Variants in VPS13B observed in about 807,000 individuals in gnomAD.
The protein encoded by VPS13B is vacuolar protein sorting 13 homolog B.
Under a neutral mutation model 426.4 loss-of-function variants are expected in VPS13B, and 285 were observed. The observed-to-expected ratio is 0.67, with a 90% CI of 0.61 to 0.74. VPS13B has a LOEUF of 0.74. Ranked by LOEUF, VPS13B falls within the 30% of genes least tolerant of loss-of-function variation. The pLI, the probability that VPS13B is intolerant of heterozygous loss-of-function variation, is 0.00. For missense variants in VPS13B, 4,537 were observed against 4,782.6 expected (o/e 0.95, Z 1.51); for synonymous variants, 1,676 against 1,676.4 (o/e 1.00, Z 0.01).
chr8:99,101,416 G>A (rs188909024), intron 4 of VPS13B, among the ~76,000 whole-genome samples: 1 of 152,308 alleles, frequency 6.6e-6, no homozygotes, highest in African/African-American at 2.4e-5. Context: ...ACAGGCGTGA[G>A]CCACCGTGCT....
intron 39 of VPS13B, among the ~76,000 whole-genome samples, chr8:99,766,098 C>A (rs1206281043): frequency 8.8e-5 from 6 of 67,942 alleles, no homozygotes; most frequent in African/African-American, 3.2e-4. Flanking sequence ...TTTTTTGAGG[C>A]AGATTCTTGC....
chr8:99,252,171 A>G (rs1817538231), intron 17 of VPS13B, among the ~76,000 whole-genome samples: 1 of 151,918 alleles, frequency 6.6e-6, no homozygotes, highest in African/African-American at 2.4e-5. Context: ...AGATTATGGA[A>G]TTAAGACTTA....
rs756143690 is a variant in VPS13B at position 99,717,245 on chromosome 8, C to A, written c.6529C>A (p.Arg2177Ser). 6.2e-7 allele frequency: 1 copy of A among 1,613,648 alleles called. No homozygotes were observed. The highest frequency in any genetic ancestry group is 1.7e-5 in the Admixed American group (1 of 59,936). Reference protein sequence around the residue: ...LLKTSLKERSRILIGPCCATA... With the variant: ...LLKTSLKERSSILIGPCCATA... ...TAAAACAAGTCTCAAAGAAAGAAGC[C>A]GCATTCTGATAGGACCATGTTGTGC... is the stretch of plus-strand genomic sequence containing the variant. The change falls in exon 37 of 62, where the codon CGC becomes AGC. Residue 2177 changes from arginine (R) to serine (S), a missense_variant. Physicochemically the swap from Arg to Ser is moderately radical, Grantham distance 110. This residue lies in a region of VPS13B where 4,311 missense variants were observed against 4,474.3 expected (regional missense o/e 0.96). Coordinates refer to ENST00000357162, the MANE Select transcript of VPS13B (RefSeq NM_152564.5).
intron 31 of VPS13B, among the ~76,000 whole-genome samples, chr8:99,557,918 T>A (rs1025798597): frequency 2.0e-5 from 3 of 152,194 alleles, no homozygotes; most frequent in African/African-American, 7.2e-5. Flanking sequence ...AAGTATTAAT[T>A]ATTTTTCTTC....
chr8:99,220,825 A>C (rs1295416730), intron 17 of VPS13B, among the ~76,000 whole-genome samples: 4 of 119,112 alleles, frequency 3.4e-5, no homozygotes, highest in African/African-American at 1.3e-4. Flanking sequence ...TTTAGGGTAC[A>C]TGTGCACATT....
At chr8:99,447,914 G>T (rs1042052948) in intron 23 of VPS13B, among the ~76,000 whole-genome samples, 2 of 151,426 alleles carry the variant, frequency 1.3e-5, no homozygotes, top group Non-Finnish European at 2.9e-5. Flanking sequence ...GATATATAGT[G>T]CCCATCATTC....
intron 51 of VPS13B, 32 bp downstream of exon 51, chr8:99,824,010 G>C: frequency 6.2e-7 from 1 of 1,606,630 alleles, no homozygotes; most frequent in African/African-American, 1.3e-5. Context: ...TTTTGTCTAA[G>C]TTTTGATAAA....
At chr8:99,428,167 C>T (rs987929957) in intron 21 of VPS13B, among the ~76,000 whole-genome samples, 1 of 152,108 alleles carries the variant, frequency 6.6e-6, no homozygotes, top group Non-Finnish European at 1.5e-5. Context: ...CATGTTAGAC[C>T]TAAAAGTATA....
In VPS13B at chr8:99,122,106, C is replaced by T. The variant is rs550041369; in HGVS notation, c.1206+661C>T. On this transcript the variant is annotated intron_variant, in intron 8 of 61. Coordinates refer to ENST00000357162, the MANE Select transcript of VPS13B (RefSeq NM_152564.5). ...GCTCCTAGGCTCAAGCGTTTTTCCC[C>T]CTTTGGCCTCCCAATGTGCTAGGAT... is the stretch of plus-strand genomic sequence containing the variant. 1.3e-4 allele frequency among the ~76,000 whole-genome samples: 19 copies of T among 151,630 alleles called. 1 individual carries two copies. The East Asian group carries it at 3.5e-3, about 28-fold the overall frequency.
At chr8:99,223,197 A>G (rs1815826074) in intron 17 of VPS13B, among the ~76,000 whole-genome samples, 1 of 152,218 alleles carries the variant, frequency 6.6e-6, no homozygotes, top group Admixed American at 6.5e-5. Flanking sequence ...TTTACTGTGT[A>G]TTAGGAAAAA....
intron 16 of VPS13B, among the ~76,000 whole-genome samples, chr8:99,188,550 TG>T (rs1169656241): frequency 1.3e-5 from 2 of 152,222 alleles, no homozygotes; most frequent in Non-Finnish European, 2.9e-5. Flanking sequence ...TGCAATTTTT[TG>T]GTATGAACAT....
At chr8:99,386,148 C>T (rs1278877677) in intron 20 of VPS13B, among the ~76,000 whole-genome samples, 1 of 152,070 alleles carries the variant, frequency 6.6e-6, no homozygotes, top group Admixed American at 6.5e-5. Context: ...TGGTTATTCT[C>T]TAAGTAATAC....
At chr8:99,785,124 A>T (rs1812198657) in intron 43 of VPS13B, among the ~76,000 whole-genome samples, 1 of 152,204 alleles carries the variant, frequency 6.6e-6, no homozygotes, top group African/African-American at 2.4e-5. Context: ...CTGTCCCTTT[A>T]GATGGGAATA....
In VPS13B at chr8:99,713,634, T is replaced by C. The variant is rs1001721329; in HGVS notation, c.6455-3537T>C. ...ATACAGGGGTTGCTATACATACATA[T>C]ACTTCTTATCTCTGCTGAAGGGGCC... On this transcript the variant is annotated intron_variant, in intron 36 of 61. Transcript: ENST00000357162. Among the ~76,000 whole-genome samples the C allele has an allele frequency of 2.4e-4, 37 of 152,322 alleles. 1 individual carries two copies. The highest frequency in any genetic ancestry group is 8.7e-4 in the African/African-American group (36 of 41,574).
intron 28 of VPS13B, 138 bp from the exon 29 acceptor site, chr8:99,510,966 A>T: frequency 3.4e-6 from 3 of 895,378 alleles, no homozygotes; most frequent in Non-Finnish European, 5.1e-6. Context: ...TGCAGAATTG[A>T]TCAGTCATGT....
intron 25 of VPS13B, among the ~76,000 whole-genome samples, chr8:99,491,203 GT>G (rs1263456202): frequency 7.2e-5 from 11 of 152,200 alleles, no homozygotes; most frequent in Non-Finnish European, 1.5e-5. Flanking sequence ...TTTCCATGTA[GT>G]TGTGTGGTTT....
intron 25 of VPS13B, among the ~76,000 whole-genome samples, chr8:99,493,908 C>CTTTTTCCA (rs1448063186): frequency 6.6e-6 from 1 of 151,630 alleles, no homozygotes; most frequent in Non-Finnish European, 1.5e-5. Flanking sequence ...CATCTTGATC[C>CTTTTTCCA]TTTTTCCATC....
intron 48 of VPS13B, 63 bp from the exon 49 acceptor site, chr8:99,819,858 T>C: frequency 5.7e-6 from 9 of 1,581,884 alleles, no homozygotes; most frequent in Non-Finnish European, 7.8e-6. Context: ...TCTTTAAACA[T>C]ATTTCACAAA....
intron 33 of VPS13B, among the ~76,000 whole-genome samples, chr8:99,618,192 A>G (rs572132583): frequency 1.3e-5 from 2 of 152,042 alleles, no homozygotes; most frequent in East Asian, 3.9e-4. Context: ...CTTATATAAT[A>G]GTGACTGATA....
Sources: gnomAD v4.1 joint callset for allele counts (sites outside exome capture counted in the v4.1 genomes callset) on GRCh38, gnomAD v4.1.1 for gene constraint, gnomAD v4.1.1 regional missense constraint, MANE v1.5 for transcripts, NCBI Gene and HGNC (gene_info 2026-07-23, HGNC 2026-07-21) for gene names.